The following TMEM143 variants were observed in gnomAD, a reference collection of about 807,000 sequenced individuals.
The protein encoded by TMEM143 is transmembrane protein 143.
In TMEM143, 45 loss-of-function variants were observed where a neutral mutation model predicts 40.3. The observed-to-expected ratio is 1.12, with a 90% CI of 0.88 to 1.43. The LOEUF is 1.43. Ranked by LOEUF, TMEM143 falls within the 40% of genes most tolerant of loss-of-function variation. The probability of loss-of-function intolerance (pLI) is 0.00; values close to 1 mark genes in which losing one functional copy is unlikely to be tolerated. For synonymous variants in TMEM143, 299 were observed against 282.7 expected (o/e 1.06, Z -0.58); for missense variants, 620 against 613.4 (o/e 1.01, Z -0.11).
intron 3 of TMEM143, among the ~76,000 whole-genome samples, chr19:48,353,024 AG>A (rs202177114): frequency 6.6e-6 from 1 of 152,124 alleles, no homozygotes; most frequent in Non-Finnish European, 1.5e-5. Flanking sequence ...AATAATGACA[AG>A]GGAAAAAAAG....
intron 6 of TMEM143, among the ~76,000 whole-genome samples, chr19:48,339,625 G>C (rs1485792005): frequency 6.6e-6 from 1 of 152,178 alleles, no homozygotes; most frequent in African/African-American, 2.4e-5. Flanking sequence ...TAGGGGACTA[G>C]GGGAGGGGCT....
intron 6 of TMEM143, among the ~76,000 whole-genome samples, chr19:48,334,524 T>C (rs1969321701): frequency 6.7e-6 from 1 of 149,010 alleles, no homozygotes; most frequent in Non-Finnish European, 1.5e-5. Flanking sequence ...TTTCTTTCTC[T>C]TTCTTTCTTT....
At position 48,332,940 on chromosome 19, in the gene TMEM143, C is replaced by T; in HGVS notation, c.*279G>A. 1 of 291,618 alleles carries T rather than the reference C, an allele frequency of 3.4e-6. No individual in the cohort carries two copies. The highest frequency in any genetic ancestry group is 6.3e-6 in the Non-Finnish European group (1 of 157,560). 18.1% of individuals were successfully genotyped at this position (291,618 alleles called of 1,614,324 possible). ...GACACCCTCAGCTCCTCAGCCAAAC[C>T]ACACTTGGATGTTTATGGTGAGGGT... On this transcript the variant is annotated 3_prime_UTR_variant, in exon 8 of 8. Transcript: ENST00000293261.
At chr19:48,360,500 C>T (rs762820511) in intron 2 of TMEM143, 1 of 288,182 alleles carries the variant, frequency 3.5e-6, no homozygotes, top group South Asian at 3.2e-5. Context: ...ATTGCTTGAA[C>T]CAGGGAGGCG....
intron 6 of TMEM143, among the ~76,000 whole-genome samples, chr19:48,337,026 A>T (rs1244919782): frequency 6.6e-6 from 1 of 151,632 alleles, no homozygotes; most frequent in Non-Finnish European, 1.5e-5. Flanking sequence ...GTCTCACAAA[A>T]AAAAAAAAGA....
At chr19:48,334,400 TTTTC>T (rs755292682) in intron 6 of TMEM143, among the ~76,000 whole-genome samples, 21 of 139,540 alleles carry the variant, frequency 1.5e-4, no homozygotes, top group African/African-American at 2.7e-4. Context: ...TGTCTTTTCT[TTTTC>T]TTTCTTTTTC....
At position 48,363,305 on chromosome 19, in the gene TMEM143, G is replaced by A. The variant is rs753962009; in HGVS notation, c.250C>T (p.Arg84Cys). 3.7e-6 allele frequency: 6 copies of A among 1,613,794 alleles called. No individual in the cohort carries two copies. The Admixed American group carries it at 8.3e-5, about 22-fold the overall frequency. ...FIPFSKEQLL[R>C]LLIQEFHSSP... ...ACAGGCGGTACCTGTATTAGGAGGC[G>A]GAGCAGCTGCTCCTTGGAGAAGGGA... is the stretch of plus-strand genomic sequence containing the variant. The change falls in exon 2 of 8, where the codon CGC (arginine) becomes TGC (cysteine). Residue 84 changes from arginine (R) to cysteine (C), a missense_variant. Arg to Cys is a radical substitution (Grantham distance 180). Transcript: ENST00000293261.
intron 2 of TMEM143, among the ~76,000 whole-genome samples, chr19:48,361,663 G>T (rs1459959876): frequency 6.6e-6 from 1 of 151,936 alleles, no homozygotes; most frequent in Non-Finnish European, 1.5e-5. Context: ...CCAAGTAGCT[G>T]GGACTACAGG....
chr19:48,359,206 G>C (rs1454375288), intron 3 of TMEM143, among the ~76,000 whole-genome samples: 2 of 151,954 alleles, frequency 1.3e-5, no homozygotes, highest in Non-Finnish European at 1.5e-5. Flanking sequence ...AACAAAGCAA[G>C]GTCCTCACAG....
chr19:48,339,263 A>C (rs554273734), intron 6 of TMEM143, among the ~76,000 whole-genome samples: 1 of 152,288 alleles, frequency 6.6e-6, no homozygotes, highest in African/African-American at 2.4e-5. Context: ...CGGAGCCCAG[A>C]AGAGAAGATG....
At chr19:48,350,550 C>T (rs1297287585) in intron 3 of TMEM143, among the ~76,000 whole-genome samples, 1 of 152,068 alleles carries the variant, frequency 6.6e-6, no homozygotes, top group Non-Finnish European at 1.5e-5. Context: ...CCAGAGCGCA[C>T]GATGCAGGCC....
intron 2 of TMEM143, chr19:48,360,656 T>G (rs1042927867): frequency 6.3e-6 from 1 of 159,184 alleles, no homozygotes; most frequent in Non-Finnish European, 1.4e-5. Flanking sequence ...CCAAATATAG[T>G]GAAAAACTAT....
intron 3 of TMEM143, among the ~76,000 whole-genome samples, chr19:48,349,849 G>A (rs477386): frequency 1 from 151,679 of 152,186 alleles, 75,588 homozygotes; most frequent in Middle Eastern, 1. Flanking sequence ...TGCAGTGAGG[G>A]AAATATTCTA....
intron 5 of TMEM143, 141 bp from the exon 6 acceptor site, chr19:48,342,950 G>C (rs936558541): frequency 6.6e-6 from 7 of 1,065,624 alleles, no homozygotes; most frequent in Non-Finnish European, 9.2e-6. Context: ...GAAGAAACCA[G>C]GGATCAGCTG....
At chr19:48,350,087 G>A (rs1446178698) in intron 3 of TMEM143, among the ~76,000 whole-genome samples, 1 of 133,242 alleles carries the variant, frequency 7.5e-6, no homozygotes, top group African/African-American at 2.8e-5. Flanking sequence ...TGCAACCTCC[G>A]CCTCCCGGGT....
At chr19:48,351,802 C>T (rs2147376847) in intron 3 of TMEM143, among the ~76,000 whole-genome samples, 1 of 152,186 alleles carries the variant, frequency 6.6e-6, no homozygotes, top group Non-Finnish European at 1.5e-5. Flanking sequence ...TTACCTGAAA[C>T]TGAAAAACAC....
intron 3 of TMEM143, among the ~76,000 whole-genome samples, chr19:48,355,433 C>T (rs1012372967): frequency 2.0e-5 from 3 of 152,136 alleles, no homozygotes; most frequent in Admixed American, 1.3e-4. Flanking sequence ...GGCTTGATCT[C>T]GACTCCACCA....
chr19:48,350,399 C>A (rs1316473794), intron 3 of TMEM143, among the ~76,000 whole-genome samples: 1 of 152,036 alleles, frequency 6.6e-6, no homozygotes, highest in Non-Finnish European at 1.5e-5. Context: ...TGCACATGGA[C>A]CCCAGTATAG....
rs763094019 is a variant in TMEM143, at chr19:48,363,527, G to A, written c.28C>T (p.Arg10Trp). 3.1e-5 allele frequency: 50 copies of A among 1,608,138 alleles called. No individual in the cohort carries two copies. The South Asian group carries it at 5.0e-4, about 16-fold the overall frequency. Residue 10 changes from arginine to tryptophan, a missense_variant, in exon 2 of 8, where the codon CGG (arginine) becomes TGG (tryptophan). Coordinates refer to ENST00000293261, the MANE Select transcript of TMEM143 (RefSeq NM_018273.4). ...TGCAGCATGGCTAGACCCTTTCCCC[G>A]GAGCCTAAACAGAGGAAAATGGGCA... MTVELWLRL[R>W]GKGLAMLHVT...
Sources: allele counts gnomAD v4.1 joint callset (sites outside exome capture counted in the v4.1 genomes callset), GRCh38; gene constraint gnomAD v4.1.1; transcripts MANE v1.5; gene names NCBI Gene and HGNC (gene_info 2026-07-23, HGNC 2026-07-21).